EPHB1: variants seen among roughly 807,000 people sequenced by gnomAD.
EPHB1 encodes the protein ephrin type-B receptor 1.
A neutral mutation model predicts 94.4 loss-of-function variants in EPHB1; 30 were observed. That is an observed-to-expected ratio of 0.32 (90% confidence interval 0.24 to 0.43). The LOEUF (loss-of-function observed/expected upper bound fraction) is 0.43, where lower values mean the gene tolerates loss of function less well. Among genes scored for constraint, EPHB1 ranks in the 20% least tolerant of loss-of-function variants. The probability of loss-of-function intolerance (pLI) is 1.00; values close to 1 mark genes in which losing one functional copy is unlikely to be tolerated. For missense variants in EPHB1, 1,055 were observed against 1,308.3 expected (o/e 0.81, Z 2.99); for synonymous variants, 522 against 489.1 (o/e 1.07, Z -0.89).
intron 1 of EPHB1, among the ~76,000 whole-genome samples, chr3:134,901,094 T>A (rs1025745209): frequency 6.6e-6 from 1 of 152,224 alleles, no homozygotes; most frequent in Non-Finnish European, 1.5e-5. Context: ...TATAATTTTA[T>A]TGAGCATAGT....
At position 134,885,858 on chromosome 3, in the gene EPHB1, C is replaced by T. The variant is rs144677771; in HGVS notation, c.59-39958C>T. Among the ~76,000 whole-genome samples, 1,126 of 152,254 alleles carry T rather than the reference C, an allele frequency of 7.4e-3. 6 individuals carry two copies. The highest frequency in any genetic ancestry group is 0.015 in the Admixed American group (237 of 15,298). ...ACTTTTGGAGAATGAGTGGCATCTA[C>T]AGTGTGGTGCGTGTGAGCCTGAAGA... On this transcript the variant is annotated intron_variant, in intron 1 of 15. Transcript: ENST00000398015.
chr3:134,875,586 C>T (rs2037599645), intron 1 of EPHB1, among the ~76,000 whole-genome samples: 1 of 152,182 alleles, frequency 6.6e-6, no homozygotes, highest in South Asian at 2.1e-4. Context: ...AGGCAAGTTC[C>T]TCAGTACTTC....
intron 1 of EPHB1, among the ~76,000 whole-genome samples, chr3:134,819,148 A>G (rs910814959): frequency 2.0e-5 from 3 of 152,248 alleles, no homozygotes; most frequent in African/African-American, 7.2e-5. Flanking sequence ...TTTTTGCTGT[A>G]TGCAGAGGTG....
At chr3:135,036,348 G>A (rs1559804024) in intron 3 of EPHB1, among the ~76,000 whole-genome samples, 4 of 152,164 alleles carry the variant, frequency 2.6e-5, no homozygotes, top group African/African-American at 9.7e-5. Flanking sequence ...AATCAATCAG[G>A]GAAGTGGTGG....
chr3:134,979,068 G>T (rs1356277037), intron 3 of EPHB1, among the ~76,000 whole-genome samples: 1 of 152,162 alleles, frequency 6.6e-6, no homozygotes, highest in East Asian at 1.9e-4. Context: ...GCTTATAAAA[G>T]CTTCCAAGGA....
chr3:135,186,352 CTG>C (rs1306085196), intron 10 of EPHB1, among the ~76,000 whole-genome samples: 2 of 152,184 alleles, frequency 1.3e-5, no homozygotes, highest in Non-Finnish European at 2.9e-5. Flanking sequence ...TGTCTATCCT[CTG>C]TGCAGGGTCA....
chr3:134,919,550 C>T lies in EPHB1; in HGVS notation c.59-6266C>T, dbSNP rs2038636584. Among the ~76,000 whole-genome samples, 6 of 152,224 alleles carry T rather than the reference C, an allele frequency of 3.9e-5. No individual in the cohort carries two copies. The South Asian group carries it at 1.2e-3, about 32-fold the overall frequency. ...AGGTCCGGACATGGTGTGAAGTTGG[C>T]GCTTAAACACCTTTAGTGCTGGGCT... On this transcript the variant is annotated intron_variant, in intron 1 of 15. Transcript: ENST00000398015.
intron 4 of EPHB1, among the ~76,000 whole-genome samples, chr3:135,114,506 C>G (rs1056292737): frequency 3.0e-5 from 4 of 134,998 alleles, no homozygotes; most frequent in Non-Finnish European, 6.1e-5. Context: ...TCGAGACCAG[C>G]CTGGCCAATA....
chr3:135,147,322 C>A (rs1941041255), intron 5 of EPHB1, among the ~76,000 whole-genome samples: 1 of 152,202 alleles, frequency 6.6e-6, no homozygotes. Flanking sequence ...ACCATATGAT[C>A]CAGCAGTTCC....
chr3:134,882,738 C>T (rs2037761586), intron 1 of EPHB1, among the ~76,000 whole-genome samples: 4 of 132,446 alleles, frequency 3.0e-5, no homozygotes, highest in Non-Finnish European at 4.9e-5. Context: ...TTCCTTCTTT[C>T]CTTCTTTCTT....
intron 6 of EPHB1, among the ~76,000 whole-genome samples, chr3:135,160,602 G>A (rs534015142): frequency 4.3e-4 from 65 of 152,288 alleles, no homozygotes; most frequent in South Asian, 3.5e-3. Flanking sequence ...GATTCATGGT[G>A]CAGACAAAGA....
chr3:134,948,433 T>G (rs1320318369), intron 2 of EPHB1, among the ~76,000 whole-genome samples: 14 of 151,892 alleles, frequency 9.2e-5, no homozygotes, highest in Admixed American at 9.2e-4. Flanking sequence ...AAATTTGATC[T>G]GAAACATTGT....
chr3:135,061,866 C>T (rs987954621), intron 3 of EPHB1, among the ~76,000 whole-genome samples: 1 of 151,996 alleles, frequency 6.6e-6, no homozygotes, highest in African/African-American at 2.4e-5. Flanking sequence ...TTTGTCCTTG[C>T]GATAGTTTGC....
chr3:134,955,572 C>A (rs1429776498), intron 3 of EPHB1, among the ~76,000 whole-genome samples: 1 of 100,026 alleles, frequency 1.0e-5, no homozygotes, highest in Non-Finnish European at 2.0e-5. Flanking sequence ...GGCGATTCCT[C>A]AGGGATCTAG....
chr3:134,841,837 CT>C (rs1379136058), intron 1 of EPHB1, among the ~76,000 whole-genome samples: 1 of 152,176 alleles, frequency 6.6e-6, no homozygotes, highest in Non-Finnish European at 1.5e-5. Context: ...GATTTAAATT[CT>C]CTTATTTCTT....
rs60280206 is a variant in EPHB1, at chr3:135,146,149, G to A, written c.1298-8003G>A. Among the ~76,000 whole-genome samples the A allele has an allele frequency of 1.6e-4, 25 of 152,248 alleles. No individual in the cohort carries two copies. The East Asian group carries it at 4.9e-3, about 30-fold the overall frequency. On this transcript the variant is annotated intron_variant, in intron 5 of 15. Transcript: ENST00000398015. Reference sequence around the variant, plus strand: ...GTTGGGAGGCAGGAAAGGGCACTCTGGTGGGCATGGTCAGGCAAGGATAAG... The same window carrying A: ...GTTGGGAGGCAGGAAAGGGCACTCTAGTGGGCATGGTCAGGCAAGGATAAG...
At chr3:135,047,271 C>T (rs539317735) in intron 3 of EPHB1, among the ~76,000 whole-genome samples, 10 of 152,294 alleles carry the variant, frequency 6.6e-5, no homozygotes, top group Admixed American at 5.9e-4. Flanking sequence ...AGCAAGTAAC[C>T]TTTGCAGATG....
At chr3:135,036,713 T>C (rs919005381) in intron 3 of EPHB1, among the ~76,000 whole-genome samples, 1 of 152,172 alleles carries the variant, frequency 6.6e-6, no homozygotes, top group Non-Finnish European at 1.5e-5. Context: ...AGGTCCTATG[T>C]CTATTTAGGA....
intron 12 of EPHB1, among the ~76,000 whole-genome samples, chr3:135,219,507 A>G (rs1943229914): frequency 1.3e-5 from 2 of 152,222 alleles, no homozygotes; most frequent in East Asian, 1.9e-4. Flanking sequence ...GGCAAACACC[A>G]GAAACTAGAA....
Sources: gnomAD v4.1 joint callset for allele counts (sites outside exome capture counted in the v4.1 genomes callset) on GRCh38, gnomAD v4.1.1 for gene constraint, MANE v1.5 for transcripts, NCBI Gene and HGNC (gene_info 2026-07-23, HGNC 2026-07-21) for gene names.